Variants in KIAA0513 observed in about 807,000 individuals in gnomAD.
KIAA0513 encodes the protein uncharacterized protein KIAA0513.
Under a neutral mutation model 56.5 loss-of-function variants are expected in KIAA0513, and 39 were observed. The observed-to-expected ratio is 0.69, with a 90% confidence interval of 0.53 to 0.90. The LOEUF (loss-of-function observed/expected upper bound fraction) is 0.90. Ranked by LOEUF, KIAA0513 falls within the 40% of genes least tolerant of loss-of-function variation. The pLI is 0.00. For missense variants in KIAA0513, 591 were observed against 535.2 expected, an observed-to-expected ratio of 1.10 and a Z score of -1.03; for synonymous variants, 268 against 215.6, an observed-to-expected ratio of 1.24 and a Z score of -2.13.
intron 10 of KIAA0513, 79 bp downstream of exon 10, chr16:85,082,672 C>A: frequency 7.1e-7 from 1 of 1,398,802 alleles, no homozygotes; most frequent in Non-Finnish European, 1.0e-6. Flanking sequence ...GGGCTGTGCA[C>A]TGTGCTGAGC....
intron 1 of KIAA0513, among the ~76,000 whole-genome samples, chr16:85,036,275 A>G (rs2073035188): frequency 6.6e-6 from 1 of 152,070 alleles, no homozygotes; most frequent in African/African-American, 2.4e-5. Flanking sequence ...TCATAATCTA[A>G]TTTCAGAATG....
intron 1 of KIAA0513, among the ~76,000 whole-genome samples, chr16:85,030,002 C>T (rs544959404): frequency 8.5e-5 from 13 of 152,144 alleles, no homozygotes; most frequent in African/African-American, 2.9e-4. Flanking sequence ...CAGCCCTTAC[C>T]GCTCTGTGGA....
At chr16:85,069,525 CTG>C (rs1245170642) in intron 2 of KIAA0513, among the ~76,000 whole-genome samples, 11 of 152,170 alleles carry the variant, frequency 7.2e-5, no homozygotes, top group Non-Finnish European at 1.0e-4. Flanking sequence ...AAGTGGGAAT[CTG>C]TGCATCAGCC....
chr16:85,042,770 G>C (rs753893879), intron 1 of KIAA0513, among the ~76,000 whole-genome samples: 1 of 152,206 alleles, frequency 6.6e-6, no homozygotes, highest in Admixed American at 6.5e-5. Flanking sequence ...CAGCAGTGCC[G>C]TGCACAGAGG....
At chr16:85,075,997 T>C (rs2073650641) in intron 5 of KIAA0513, 83 bp downstream of exon 5, 1 of 1,135,496 alleles carries the variant, frequency 8.8e-7, no homozygotes, top group African/African-American at 1.5e-5. Flanking sequence ...TTCTTCATGA[T>C]AAAAAGCAAA....
chr16:85,079,345 T>G, intron 8 of KIAA0513: 1 of 274,760 alleles, frequency 3.6e-6, no homozygotes, highest in Non-Finnish European at 7.0e-6. Flanking sequence ...TGTACACAAA[T>G]GTCTGTAGCA....
chr16:85,071,894 G>A lies in KIAA0513; in HGVS notation c.429+12G>A. On this transcript the variant is annotated intron_variant, in intron 3 of 12. Coordinates refer to ENST00000683363, the MANE Select transcript of KIAA0513 (RefSeq NM_001388359.1). Reference sequence around the variant, plus strand: ...ACGTGAGTGCCCAGGTAAGGGCGAGGTGATGGGAAGGATGGGCGTTTACTC... The same window carrying A: ...ACGTGAGTGCCCAGGTAAGGGCGAGATGATGGGAAGGATGGGCGTTTACTC... 6.5e-7 allele frequency: 1 copy of A among 1,538,684 alleles called. No individual in the cohort carries two copies. The highest frequency in any genetic ancestry group is 9.0e-7 in the Non-Finnish European group (1 of 1,114,322).
At chr16:85,029,502 T>C (rs573787258) in intron 1 of KIAA0513, among the ~76,000 whole-genome samples, 2 of 152,250 alleles carry the variant, frequency 1.3e-5, no homozygotes, top group Non-Finnish European at 2.9e-5. Flanking sequence ...AATGTGGCTC[T>C]CTTTTCACGA....
At chr16:85,063,334 C>T (rs191332539) in intron 1 of KIAA0513, 2 of 152,374 alleles carry the variant, frequency 1.3e-5, no homozygotes, top group African/African-American at 2.4e-5. Flanking sequence ...GGCACGATCT[C>T]CGTTCACTGC....
chr16:85,077,449 A>C lies in KIAA0513; in HGVS notation c.599A>C (p.Glu200Ala). The change falls in exon 6 of 13, where the codon GAG becomes GCG. Residue 200 changes from glutamate to alanine, a missense_variant. Coordinates refer to ENST00000683363, the MANE Select transcript of KIAA0513 (RefSeq NM_001388359.1). Reference protein sequence around the residue: ...HIGKPQLLPPESREKPAGSID... With the variant: ...HIGKPQLLPPASREKPAGSID... The stretch of plus-strand genomic sequence containing the variant: ...GGAAAACCACAGCTGCTGCCCCCGG[A>C]GTCCCGGGAGAAGCCCGCGGGCAGC... The C allele has an allele frequency of 6.2e-7, 1 of 1,614,034 alleles. No individual in the cohort carries two copies. The highest frequency in any genetic ancestry group is 8.5e-7 in the Non-Finnish European group (1 of 1,179,994).
At chr16:85,057,733 T>G (rs1271004698) in intron 1 of KIAA0513, among the ~76,000 whole-genome samples, 3 of 151,718 alleles carry the variant, frequency 2.0e-5, no homozygotes, top group Admixed American at 6.6e-5. Context: ...GTTTAGAGGA[T>G]CTCCACTGGA....
intron 1 of KIAA0513, among the ~76,000 whole-genome samples, chr16:85,039,416 CATCAACCTCCTGA>C (rs1486176211): frequency 1.3e-5 from 2 of 152,190 alleles, no homozygotes; most frequent in Non-Finnish European, 2.9e-5. Context: ...GATCCTCCTG[CATCAACCTCCTGA>C]GTAACTGGGA....
intron 1 of KIAA0513, among the ~76,000 whole-genome samples, chr16:85,041,044 A>G (rs150452570): frequency 2.6e-5 from 4 of 152,346 alleles, no homozygotes; most frequent in Non-Finnish European, 4.4e-5. Flanking sequence ...AATTCTTGTT[A>G]TATATTAAGG....
At chr16:85,072,726 G>A (rs982177599) in intron 3 of KIAA0513, among the ~76,000 whole-genome samples, 199 bp from the exon 4 acceptor site, 3 of 152,200 alleles carry the variant, frequency 2.0e-5, no homozygotes, top group African/African-American at 7.2e-5. Flanking sequence ...GCCCTGCCCA[G>A]TGATGGTTGG....
At chr16:85,067,490 G>T (rs759575100) in intron 2 of KIAA0513, 90 bp downstream of exon 2, 4 of 1,041,544 alleles carry the variant, frequency 3.8e-6, no homozygotes, top group Non-Finnish European at 4.1e-6. Context: ...TCTCCCCAGG[G>T]TGCCACCTGG....
intron 1 of KIAA0513, among the ~76,000 whole-genome samples, chr16:85,056,795 G>T (rs1033577738): frequency 6.6e-6 from 1 of 152,088 alleles, no homozygotes; most frequent in Non-Finnish European, 1.5e-5. Context: ...GAACATCTGG[G>T]GTCAAGGAAT....
intron 1 of KIAA0513, among the ~76,000 whole-genome samples, chr16:85,052,357 A>G (rs1175700556): frequency 6.6e-6 from 1 of 151,806 alleles, no homozygotes; most frequent in Non-Finnish European, 1.5e-5. Flanking sequence ...TAGCAACAAC[A>G]AAAAGCTAGC....
At chr16:85,083,169 G>A (rs570217122) in intron 10 of KIAA0513, among the ~76,000 whole-genome samples, 1 of 152,336 alleles carries the variant, frequency 6.6e-6, no homozygotes, top group East Asian at 1.9e-4. Context: ...TCGGATGGGG[G>A]TGCGAGGGGC....
chr16:85,075,603 C>T (rs547622278), intron 4 of KIAA0513, among the ~76,000 whole-genome samples: 21 of 152,230 alleles, frequency 1.4e-4, no homozygotes, highest in Middle Eastern at 3.2e-3. Flanking sequence ...TGGGCTTTCA[C>T]CTTTCCAGTG....
Sources: gnomAD v4.1 joint callset for allele counts (sites outside exome capture counted in the v4.1 genomes callset) on GRCh38, gnomAD v4.1.1 for gene constraint, MANE v1.5 for transcripts, NCBI Gene and HGNC (gene_info 2026-07-23, HGNC 2026-07-21) for gene names.